Variants in WASF3 observed in about 807,000 individuals in gnomAD.
WASF3 encodes the protein WASP family member 3.
In WASF3, 11 loss-of-function variants were observed where a neutral mutation model predicts 46.6. The observed-to-expected ratio is 0.24, with a 90% CI of 0.15 to 0.39. The LOEUF is 0.39. Ranked by LOEUF, WASF3 falls within the 10% of genes least tolerant of loss-of-function variation. The pLI is 1.00. For synonymous variants in WASF3, 242 were observed against 259.7 expected, an observed-to-expected ratio of 0.93 and a Z score of 0.65; for missense variants, 576 against 669.8, an observed-to-expected ratio of 0.86 and a Z score of 1.55.
intron 1 of WASF3, chr13:26,609,540 C>T (rs917929031): frequency 8.5e-5 from 12 of 140,756 alleles, no homozygotes; most frequent in Non-Finnish European, 1.8e-4. Context: ...TGTGATTATT[C>T]TCTAAATTGT....
intron 2 of WASF3, among the ~76,000 whole-genome samples, chr13:26,623,282 G>A (rs533287): frequency 0.3 from 45,465 of 151,934 alleles, 7,173 homozygotes; most frequent in East Asian, 0.57. Flanking sequence ...TCTTTTGATC[G>A]TGCTGCTCTG....
In WASF3 at chr13:26,614,473, G is replaced by A. The variant is rs372534053; in HGVS notation, c.-11+1415G>A. Among the ~76,000 whole-genome samples, 5 of 152,272 alleles carry A rather than the reference G, an allele frequency of 3.3e-5. No homozygotes were observed. The South Asian group carries it at 8.3e-4, about 25-fold the overall frequency. On this transcript the variant is annotated intron_variant, in intron 2 of 9. Transcript: ENST00000335327. ...AATTGAATGAAAAGGAAAGCGTAAC[G>A]TATCAAAATATATGCGATGCACCTA... is the stretch of plus-strand genomic sequence containing the variant.
At chr13:26,674,145 C>T (rs764413754) in intron 6 of WASF3, among the ~76,000 whole-genome samples, 1 of 152,108 alleles carries the variant, frequency 6.6e-6, no homozygotes, top group Non-Finnish European at 1.5e-5. Flanking sequence ...ATGTTTGGTT[C>T]GCATGCGCTT....
chr13:26,636,236 G>C (rs1881816188), intron 2 of WASF3, among the ~76,000 whole-genome samples: 1 of 147,242 alleles, frequency 6.8e-6, no homozygotes, highest in Non-Finnish European at 1.5e-5. Context: ...CCCTCCCCCT[G>C]TCAGGCTGCT....
At chr13:26,629,153 T>C (rs1003648734) in intron 2 of WASF3, among the ~76,000 whole-genome samples, 1 of 152,250 alleles carries the variant, frequency 6.6e-6, no homozygotes. Flanking sequence ...ATCAGGCTGA[T>C]AATTCTGGGT....
chr13:26,605,494 T>C lies in WASF3; in HGVS notation c.-108-7467T>C, dbSNP rs540746410. Among the ~76,000 whole-genome samples, 39 of 146,668 alleles carry C rather than the reference T, an allele frequency of 2.7e-4. 1 individual carries two copies. The South Asian group carries it at 8.1e-3, about 31-fold the overall frequency. On this transcript the variant is annotated intron_variant, in intron 1 of 9. Transcript: ENST00000335327. The stretch of plus-strand genomic sequence containing the variant: ...AGTTGAAGTAGATTAGGAAGATGCA[T>C]TTTTTTTTAAACCTCTGCATTTGGG...
chr13:26,627,417 A>G (rs759692274), intron 2 of WASF3, among the ~76,000 whole-genome samples: 7 of 152,290 alleles, frequency 4.6e-5, no homozygotes, highest in South Asian at 4.1e-4. Flanking sequence ...ATTGCTGTGC[A>G]TGCAACATTG....
rs543823051 is a variant in WASF3, at chr13:26,686,385, G to A, written c.*540G>A. 1 of 152,780 alleles carries A rather than the reference G, an allele frequency of 6.5e-6. No individual in the cohort carries two copies. The highest frequency in any genetic ancestry group is 2.4e-5 in the African/African-American group (1 of 41,540). 9.5% of individuals were successfully genotyped at this position (152,780 alleles called of 1,614,324 possible). Reference sequence around the variant, plus strand: ...CAGTGTTTCTGCTTTCAGTTTCTTGGCTTGGTAGCCTCTGAGTGAATCTGA... The same window carrying A: ...CAGTGTTTCTGCTTTCAGTTTCTTGACTTGGTAGCCTCTGAGTGAATCTGA... On this transcript the variant is annotated 3_prime_UTR_variant, in exon 10 of 10. Transcript: ENST00000335327.
intron 3 of WASF3, among the ~76,000 whole-genome samples, chr13:26,649,455 C>T (rs531958211): frequency 2.6e-4 from 39 of 152,276 alleles, no homozygotes; most frequent in African/African-American, 7.9e-4. Flanking sequence ...GCTTGGAAGT[C>T]ACTCCTGTCT....
At chr13:26,551,407 T>G in the WASF3 span, among the ~76,000 whole-genome samples, 1 of 152,222 alleles carries the variant, frequency 6.6e-6, no homozygotes, top group Non-Finnish European at 1.5e-5. Flanking sequence ...TGTCTTTAAG[T>G]GCTATTTAGA....
At chr13:26,677,526 A>G (rs986207783) in intron 7 of WASF3, among the ~76,000 whole-genome samples, 10 of 152,228 alleles carry the variant, frequency 6.6e-5, no homozygotes, top group Admixed American at 5.2e-4. Flanking sequence ...TTTGGGTTGT[A>G]TCTGTGCCCT....
intron 1 of WASF3, among the ~76,000 whole-genome samples, chr13:26,569,494 A>G (rs1879569915): frequency 6.6e-6 from 1 of 152,240 alleles, no homozygotes; most frequent in Non-Finnish European, 1.5e-5. Context: ...AGAAAATTTT[A>G]CAAAATATGT....
In WASF3 at chr13:26,611,923, G is replaced by C. The variant is rs577424373; in HGVS notation, c.-108-1038G>C. Among the ~76,000 whole-genome samples, 530 of 151,958 alleles carry C rather than the reference G, an allele frequency of 3.5e-3. 1 individual carries two copies. The highest frequency in any genetic ancestry group is 0.012 in the African/African-American group (504 of 41,446). On this transcript the variant is annotated intron_variant, in intron 1 of 9. Transcript: ENST00000335327. ...CTACTGGCCTACATAGAATTCATGG[G>C]GGTCCAGATAATTCTTTTTAGTAGA... is the stretch of plus-strand genomic sequence containing the variant.
intron 1 of WASF3, among the ~76,000 whole-genome samples, chr13:26,596,468 ATTAT>A (rs1880466199): frequency 6.6e-6 from 1 of 151,906 alleles, no homozygotes. Context: ...TCTGACTTTA[ATTAT>A]TTTTGATAAA....
chr13:26,675,521 C>CGT (rs1883042094), intron 6 of WASF3, among the ~76,000 whole-genome samples: 3 of 117,862 alleles, frequency 2.5e-5, no homozygotes, highest in Admixed American at 8.9e-5. Flanking sequence ...CACACACACA[C>CGT]ACGTATATAT....
At chr13:26,559,672 T>C (rs1879215294) in intron 1 of WASF3, among the ~76,000 whole-genome samples, 1 of 152,184 alleles carries the variant, frequency 6.6e-6, no homozygotes, top group Non-Finnish European at 1.5e-5. Flanking sequence ...ACTCACGGGC[T>C]AGTACTAGTG....
intron 2 of WASF3, among the ~76,000 whole-genome samples, chr13:26,637,626 A>G (rs942786558): frequency 2.6e-5 from 4 of 152,220 alleles, no homozygotes; most frequent in East Asian, 1.9e-4. Context: ...CATTAGTACA[A>G]TTTTAGCACT....
At chr13:26,553,539 C>T (rs893829256), upstream of WASF3, among the ~76,000 whole-genome samples, 4 of 151,874 alleles carry the variant, frequency 2.6e-5, no homozygotes, top group Non-Finnish European at 4.4e-5. Context: ...ATGGAGAGGC[C>T]GGGCACGGTG....
intron 1 of WASF3, among the ~76,000 whole-genome samples, chr13:26,582,910 C>G (rs1880026742): frequency 6.6e-6 from 1 of 152,064 alleles, no homozygotes; most frequent in Admixed American, 6.6e-5. Flanking sequence ...CAATGTAGGT[C>G]TCTTTTTCCA....
Sources: allele counts gnomAD v4.1 joint callset (sites outside exome capture counted in the v4.1 genomes callset), GRCh38; gene constraint gnomAD v4.1.1; transcripts MANE v1.5; gene names NCBI Gene and HGNC (gene_info 2026-07-23, HGNC 2026-07-21).